Variants in TMEM229B observed in about 807,000 individuals in gnomAD.
The protein encoded by TMEM229B is transmembrane protein 229B.
TMEM229B carries 6 observed loss-of-function variants against 13.7 expected under a neutral mutation model. The ratio of observed to expected loss-of-function variants is 0.44; its 90% CI spans 0.24 to 0.86. The LOEUF (loss-of-function observed/expected upper bound fraction) is 0.86, where lower values mean the gene tolerates loss of function less well. TMEM229B is among the 40% of genes least tolerant of loss of function. The probability of loss-of-function intolerance (pLI) is 0.23; values close to 1 mark genes in which losing one functional copy is unlikely to be tolerated. For missense variants in TMEM229B, 170 were observed against 236.0 expected, an observed-to-expected ratio of 0.72 and a Z score of 1.83; for synonymous variants, 107 against 102.1, an observed-to-expected ratio of 1.05 and a Z score of -0.29.
intron 1 of TMEM229B, among the ~76,000 whole-genome samples, chr14:67,495,307 C>T (rs2032323075): frequency 6.6e-6 from 1 of 152,196 alleles, no homozygotes; most frequent in South Asian, 2.1e-4. Flanking sequence ...ACTCCCACCT[C>T]CTCCTCCCAG....
At position 67,511,198 on chromosome 14, in the gene TMEM229B, AAC is replaced by A. The variant is rs535587660; in HGVS notation, c.-192+3886_-192+3887del. Among the ~76,000 whole-genome samples the A allele has an allele frequency of 2.1e-3, 318 of 152,326 alleles. 2 individuals are homozygous for A. Among genetic ancestry groups the A allele is most frequent in the African/African-American group, 7.4e-3 (308 of 41,580 alleles). On this transcript the variant is annotated intron_variant, in intron 1 of 2. Coordinates refer to the TMEM229B transcript ENST00000357461. ...TAGATGGCATTCGTCATTCAAGTCT[AAC>A]TGCAAAAGCAGTCAGAAGTGGATAA... is the stretch of plus-strand genomic sequence containing the variant.
chr14:67,473,305 G>T lies in TMEM229B; in HGVS notation c.*115C>A. The T allele has an allele frequency of 6.9e-7, 1 of 1,439,006 alleles. No individual in the cohort carries two copies. 89.1% of individuals were successfully genotyped at this position (1,439,006 alleles called of 1,614,324 possible). ...TAGGGGGCTCTGTGTGCCCTATAGGGCTGAGGCTTGGCCGGAGCAGGGCTT... is the reference window on the plus strand; with the variant it reads ...TAGGGGGCTCTGTGTGCCCTATAGGTCTGAGGCTTGGCCGGAGCAGGGCTT... On this transcript the variant is annotated 3_prime_UTR_variant, in exon 3 of 3. Coordinates refer to ENST00000554480, the MANE Select transcript of TMEM229B (RefSeq NM_001348543.2). This position sits in a 1 kb window ranked among gnomAD's most constrained non-coding sequence, Gnocchi z 6.5.
At chr14:67,513,887 A>G (rs548917810) in intron 1 of TMEM229B, among the ~76,000 whole-genome samples, 1 of 152,322 alleles carries the variant, frequency 6.6e-6, no homozygotes, top group East Asian at 1.9e-4. Context: ...TCCTGGAGAC[A>G]TAAGGCCAAG....
At chr14:67,524,557 C>A (rs1376014957) in intron 1 of TMEM229B, among the ~76,000 whole-genome samples, 2 of 152,150 alleles carry the variant, frequency 1.3e-5, no homozygotes, top group African/African-American at 4.8e-5. Context: ...GGACCACACC[C>A]AGCTAGCTTC....
At chr14:67,533,417 C>G (rs1357472513) in intron 1 of TMEM229B, 1 of 151,786 alleles carries the variant, frequency 6.6e-6, no homozygotes, top group East Asian at 1.9e-4. Context: ...CCCGCGCTCC[C>G]GCCGCTGTGG....
In TMEM229B at chr14:67,471,485, C is replaced by T. The variant is rs2140022454; in HGVS notation, c.*1935G>A. ...ATTCTCCTCCTGGAATTTTCTCCAC[C>T]TATAGATGGAAAACAATCTACTCCC... On this transcript the variant is annotated 3_prime_UTR_variant, in exon 3 of 3. Transcript: ENST00000554480. The T allele has an allele frequency of 6.6e-6, 1 of 152,270 alleles. No homozygotes were observed. Among genetic ancestry groups the T allele is most frequent in the East Asian group, 1.9e-4 (1 of 5,178 alleles). 9.4% of individuals were successfully genotyped at this position (152,270 alleles called of 1,614,324 possible).
Position 67,472,376 on chromosome 14 carries a change from A to C in TMEM229B, c.*1044T>G, listed in dbSNP as rs1316130. On this transcript the variant is annotated 3_prime_UTR_variant, in exon 3 of 3. Coordinates refer to ENST00000554480, the MANE Select transcript of TMEM229B (RefSeq NM_001348543.2). ...CCAGGCAGGGAATAGATGACCTAGA[A>C]CTCTGGCTTTTCCCCACCAAACTGA... is the stretch of plus-strand genomic sequence containing the variant. The C allele has an allele frequency of 0.036, 5,502 of 152,302 alleles. 102 individuals carry two copies. The highest frequency in any genetic ancestry group is 0.051 in the Middle Eastern group (15 of 296). The allele number at this position is 152,302 out of a possible 1,614,324, so 9.4% of individuals were successfully genotyped here. A position where few individuals can be genotyped will look rare whatever the true frequency, so the allele number is the denominator to read the frequency against.
At chr14:67,485,199 T>C (rs1301642924) in intron 2 of TMEM229B, among the ~76,000 whole-genome samples, 2 of 152,208 alleles carry the variant, frequency 1.3e-5, no homozygotes, top group Admixed American at 6.5e-5. Flanking sequence ...CATAAATTGC[T>C]CTGGGGAGAT....
At chr14:67,524,764 C>A (rs950366275) in intron 1 of TMEM229B, among the ~76,000 whole-genome samples, 1 of 152,160 alleles carries the variant, frequency 6.6e-6, no homozygotes, top group Non-Finnish European at 1.5e-5. Flanking sequence ...CTGTTGTGGT[C>A]ACAGTGTAAT....
chr14:67,532,172 C>T (rs945991436), intron 1 of TMEM229B, among the ~76,000 whole-genome samples: 14 of 152,182 alleles, frequency 9.2e-5, no homozygotes, highest in African/African-American at 3.1e-4. Context: ...AGTGTCTGGG[C>T]TCTCAAAACT....
At chr14:67,474,273 A>AAAC (rs386381645) in intron 2 of TMEM229B, among the ~76,000 whole-genome samples, 1 of 151,690 alleles carries the variant, frequency 6.6e-6, no homozygotes, top group Non-Finnish European at 1.5e-5. Flanking sequence ...AACAAAAAAA[A>AAAC]AACAGAGCAA....
intron 1 of TMEM229B, among the ~76,000 whole-genome samples, chr14:67,499,732 C>A (rs541795296): frequency 6.6e-6 from 1 of 152,018 alleles, no homozygotes; most frequent in Non-Finnish European, 1.5e-5. Flanking sequence ...AAAGGCAGTG[C>A]CAGAAATACT....
At chr14:67,516,990 A>G (rs958534696), upstream of TMEM229B, among the ~76,000 whole-genome samples, 1 of 152,248 alleles carries the variant, frequency 6.6e-6, no homozygotes, top group Admixed American at 6.5e-5. Flanking sequence ...GACATCATGC[A>G]TATAATATTC....
rs28558685 is a variant in TMEM229B at position 67,471,353 on chromosome 14, G to A, written c.*2067C>T. 19,256 of 152,272 alleles carry A rather than the reference G, an allele frequency of 0.13. 1,438 individuals carry two copies. Among genetic ancestry groups the A allele is most frequent in the African/African-American group, 0.21 (8,597 of 41,468 alleles). 9.4% of individuals were successfully genotyped at this position (152,272 alleles called of 1,614,324 possible). On this transcript the variant is annotated 3_prime_UTR_variant, in exon 3 of 3. Transcript: ENST00000554480. ...TGTGAAGGTGGGTAGTGTGGTCTAGGGGCCCACATGGAAGGCCTGAAGGGG... is the reference window on the plus strand; with the variant it reads ...TGTGAAGGTGGGTAGTGTGGTCTAGAGGCCCACATGGAAGGCCTGAAGGGG...
chr14:67,489,104 C>A (rs1057295814), upstream of TMEM229B, among the ~76,000 whole-genome samples: 2 of 152,142 alleles, frequency 1.3e-5, no homozygotes, highest in Non-Finnish European at 2.9e-5. Flanking sequence ...AATGATGAGC[C>A]CTTATAGCAA....
At chr14:67,500,074 C>T (rs529467073) in intron 1 of TMEM229B, among the ~76,000 whole-genome samples, 4 of 152,180 alleles carry the variant, frequency 2.6e-5, no homozygotes, top group South Asian at 2.1e-4. Context: ...AGTCTCTGCC[C>T]GTAGTCCCAG....
chr14:67,496,407 T>TTTTTG (rs2032379488), intron 1 of TMEM229B, among the ~76,000 whole-genome samples: 1 of 131,544 alleles, frequency 7.6e-6, no homozygotes, highest in Admixed American at 8.0e-5. Flanking sequence ...TTTTTTTTTT[T>TTTTTG]TTTTTTTTTT....
rs552422424 is a variant in TMEM229B at position 67,499,165 on chromosome 14, G to A, written c.-191-11993C>T. ...CTACAGGCACATGGCACAACACCCA[G>A]GTAATTTCTTAATTTTTTTGTAGAT... On this transcript the variant is annotated intron_variant, in intron 1 of 2. Coordinates refer to the TMEM229B transcript ENST00000357461. 9.2e-5 allele frequency among the ~76,000 whole-genome samples: 14 copies of A among 151,900 alleles called. No individual in the cohort carries two copies. In the East Asian group the frequency reaches 2.7e-3, roughly 29 times the overall value.
chr14:67,484,384 C>G (rs758942552), intron 2 of TMEM229B, among the ~76,000 whole-genome samples: 1 of 152,222 alleles, frequency 6.6e-6, no homozygotes, highest in African/African-American at 2.4e-5. Flanking sequence ...CTAGCTGCCT[C>G]GGTCTCTCTT....
Sources: gnomAD v4.1 joint callset for allele counts (sites outside exome capture counted in the v4.1 genomes callset) on GRCh38, gnomAD v4.1.1 for gene constraint, Gnocchi (gnomAD v3.1) non-coding constraint, MANE v1.5 for transcripts, NCBI Gene and HGNC (gene_info 2026-07-23, HGNC 2026-07-21) for gene names.